FUT8: variants seen among roughly 807,000 people sequenced by gnomAD.
FUT8 encodes fucosyltransferase 8.
A neutral mutation model predicts 71.3 loss-of-function variants in FUT8; 29 were observed. The observed-to-expected ratio is 0.41, with a 90% CI of 0.30 to 0.55. FUT8 has a LOEUF of 0.55. Ranked by LOEUF, FUT8 falls within the 20% of genes least tolerant of loss-of-function variation. FUT8 has a pLI of 0.34. For synonymous variants in FUT8, 254 were observed against 239.3 expected, an observed-to-expected ratio of 1.06 and a Z score of -0.57; for missense variants, 544 against 702.1, an observed-to-expected ratio of 0.77 and a Z score of 2.55.
intron 6 of FUT8, among the ~76,000 whole-genome samples, chr14:65,642,506 G>A (rs1039008449): frequency 6.6e-6 from 1 of 151,496 alleles, no homozygotes; most frequent in African/African-American, 2.4e-5. Flanking sequence ...GGGAGGCTGA[G>A]GCAGGAGAAT....
chr14:65,513,438 T>C (rs1882494286), intron 2 of FUT8, among the ~76,000 whole-genome samples: 1 of 152,162 alleles, frequency 6.6e-6, no homozygotes, highest in Admixed American at 6.5e-5. Context: ...CCTTTAAGCA[T>C]TGGAAAGTCA....
chr14:65,455,149 G>A (rs1177292528), intron 1 of FUT8, among the ~76,000 whole-genome samples: 1 of 152,152 alleles, frequency 6.6e-6, no homozygotes, highest in Non-Finnish European at 1.5e-5. Context: ...TCTATGGAAA[G>A]AAAGCAAAAT....
chr14:65,468,368 T>G, intron 2 of FUT8: 4 of 530,724 alleles, frequency 7.5e-6, no homozygotes, highest in Non-Finnish European at 1.4e-5. Context: ...TGGAAGATGG[T>G]GGTTCCGGCC....
intron 3 of FUT8, among the ~76,000 whole-genome samples, chr14:65,563,718 CTGA>C (rs1886041054): frequency 6.6e-6 from 1 of 151,960 alleles, no homozygotes; most frequent in Non-Finnish European, 1.5e-5. Context: ...ATCTTCAATA[CTGA>C]TATTTCAATT....
At chr14:65,399,167 A>G in the FUT8 span, among the ~76,000 whole-genome samples, 16 of 152,186 alleles carry the variant, frequency 1.1e-4, no homozygotes, top group African/African-American at 3.6e-4. Context: ...AAATACAAAA[A>G]TTAGCCAGGC....
intron 1 of FUT8, among the ~76,000 whole-genome samples, chr14:65,437,181 A>G (rs1255671170): frequency 6.6e-6 from 1 of 152,240 alleles, no homozygotes; most frequent in African/African-American, 2.4e-5. Context: ...TTCAAGTTGC[A>G]ACTGCTTTTA....
chr14:65,372,277 C>T, the FUT8 span, among the ~76,000 whole-genome samples: 1 of 152,138 alleles, frequency 6.6e-6, no homozygotes, highest in Non-Finnish European at 1.5e-5. Context: ...GACCAGGACT[C>T]CTCTATGTAT....
chr14:65,725,241 T>C (rs1367052888), intron 9 of FUT8, among the ~76,000 whole-genome samples: 1 of 152,208 alleles, frequency 6.6e-6, no homozygotes, highest in Non-Finnish European at 1.5e-5. Flanking sequence ...TGAGCTTGCC[T>C]GTATTTCAGG....
At position 65,437,835 on chromosome 14, in the gene FUT8, A is replaced by AAGAGG. The variant is rs527474355; in HGVS notation, c.-325-17783_-325-17779dup. On this transcript the variant is annotated intron_variant, in intron 1 of 10. Transcript: ENST00000673929. Reference sequence around the variant, plus strand: ...GCAAGCAATGGAGTAGGGAGTAAAGAAGAGGAGTTTAGCCTGAGTTTCTGG... The same window carrying AAGAGG: ...GCAAGCAATGGAGTAGGGAGTAAAGAAGAGGAGAGGAGTTTAGCCTGAGTTTCTGG... Among the ~76,000 whole-genome samples, 20 of 152,318 alleles carry AAGAGG rather than the reference A, an allele frequency of 1.3e-4. 1 individual carries two copies. The East Asian group carries it at 3.9e-3, about 29-fold the overall frequency.
At chr14:65,493,991 G>A (rs1238159251) in intron 2 of FUT8, among the ~76,000 whole-genome samples, 4 of 152,052 alleles carry the variant, frequency 2.6e-5, no homozygotes, top group African/African-American at 9.7e-5. Flanking sequence ...AGGGAGAAAG[G>A]AAATTTTGGT....
At chr14:65,481,331 T>C (rs2066327439) in intron 2 of FUT8, among the ~76,000 whole-genome samples, 1 of 152,208 alleles carries the variant, frequency 6.6e-6, no homozygotes, top group Admixed American at 6.5e-5. Context: ...GGGATACTTT[T>C]TAAAGATGCT....
At chr14:65,542,212 G>T (rs1021096128) in intron 2 of FUT8, among the ~76,000 whole-genome samples, 16 of 152,186 alleles carry the variant, frequency 1.1e-4, no homozygotes, top group African/African-American at 3.6e-4. Flanking sequence ...GAATTATGAC[G>T]GTCATTTTAA....
rs189582799 is a variant in FUT8 at position 65,691,385 on chromosome 14, G to C, written c.835+21905G>C. Among the ~76,000 whole-genome samples the C allele has an allele frequency of 1.3e-5, 2 of 151,138 alleles. 1 individual carries two copies. The highest frequency in any genetic ancestry group is 4.9e-5 in the African/African-American group (2 of 40,432). Reference sequence around the variant, plus strand: ...CTCACCATTATGCAGTTTGCTAGCTGTAGGCTGTTTGTAGATGTTCTTTCT... The same window carrying C: ...CTCACCATTATGCAGTTTGCTAGCTCTAGGCTGTTTGTAGATGTTCTTTCT... On this transcript the variant is annotated intron_variant, in intron 7 of 10. Coordinates refer to ENST00000673929, the MANE Select transcript of FUT8 (RefSeq NM_001371533.1).
intron 2 of FUT8, among the ~76,000 whole-genome samples, chr14:65,523,529 G>T (rs1231144214): frequency 6.6e-6 from 1 of 152,170 alleles, no homozygotes; most frequent in African/African-American, 2.4e-5. Context: ...TAGGTTGCCT[G>T]TTCACTCTGA....
the FUT8 span, among the ~76,000 whole-genome samples, chr14:65,382,965 C>T: frequency 6.6e-6 from 1 of 152,118 alleles, no homozygotes; most frequent in East Asian, 1.9e-4. Flanking sequence ...TTTTCTCATG[C>T]TGCCAAGCTG....
chr14:65,434,028 G>A (rs990654701), intron 1 of FUT8, among the ~76,000 whole-genome samples: 62 of 152,284 alleles, frequency 4.1e-4, no homozygotes, highest in African/African-American at 1.4e-3. Context: ...CTTGATATTA[G>A]TAGCCACTAA....
At chr14:65,461,798 GGAGCTTGGTCTCAATT>G (rs1344902574) in intron 2 of FUT8, among the ~76,000 whole-genome samples, 1 of 152,170 alleles carries the variant, frequency 6.6e-6, no homozygotes, top group Non-Finnish European at 1.5e-5. Flanking sequence ...TGAGAAGATG[GGAGCTTGGTCTCAATT>G]CCATCTCCCT....
intron 2 of FUT8, among the ~76,000 whole-genome samples, chr14:65,539,335 C>T (rs527627463): frequency 2.0e-5 from 3 of 152,252 alleles, no homozygotes; most frequent in South Asian, 2.1e-4. Context: ...TCAGCCATAC[C>T]GTGTTTCTTT....
chr14:65,587,163 TG>T (rs1887432517), intron 3 of FUT8, among the ~76,000 whole-genome samples: 1 of 147,226 alleles, frequency 6.8e-6, no homozygotes, highest in Non-Finnish European at 1.5e-5. Flanking sequence ...CACTCCAGCC[TG>T]GGCGACAGAG....
Sources: gnomAD v4.1 joint callset for allele counts (sites outside exome capture counted in the v4.1 genomes callset) on GRCh38, gnomAD v4.1.1 for gene constraint, MANE v1.5 for transcripts, NCBI Gene and HGNC (gene_info 2026-07-23, HGNC 2026-07-21) for gene names.